ZBTB7C: variants seen among roughly 807,000 people sequenced by gnomAD.
The protein encoded by ZBTB7C is zinc finger and BTB domain-containing protein 7C.
Under a neutral mutation model 25.7 loss-of-function variants are expected in ZBTB7C, and 8 were observed. That is an observed-to-expected ratio of 0.31 (90% CI 0.18 to 0.56). The LOEUF (loss-of-function observed/expected upper bound fraction) is 0.56, where lower values mean the gene tolerates loss of function less well. Ranked by LOEUF, ZBTB7C falls within the 20% of genes least tolerant of loss-of-function variation. The pLI, the probability that ZBTB7C is intolerant of heterozygous loss-of-function variation, is 0.91. For synonymous variants in ZBTB7C, 394 were observed against 369.0 expected (o/e 1.07, Z -0.78); for missense variants, 824 against 855.2 (o/e 0.96, Z 0.46).
At chr18:48,221,803 A>G (rs542961257) in intron 2 of ZBTB7C, among the ~76,000 whole-genome samples, 3 of 115,744 alleles carry the variant, frequency 2.6e-5, no homozygotes, top group Non-Finnish European at 5.5e-5. Context: ...CCCAGTCTCC[A>G]CTACGCTGTC....
At chr18:48,272,378 C>A (rs2044520342) in intron 2 of ZBTB7C, among the ~76,000 whole-genome samples, 1 of 152,216 alleles carries the variant, frequency 6.6e-6, no homozygotes. Flanking sequence ...GACTTATACC[C>A]TTGGATCCCC....
chr18:48,226,764 T>TA (rs1268400591), intron 2 of ZBTB7C, among the ~76,000 whole-genome samples: 1 of 152,204 alleles, frequency 6.6e-6, no homozygotes, highest in Admixed American at 6.5e-5. Flanking sequence ...CTTATGCCTG[T>TA]AATCCCAGCA....
chr18:48,408,674 A>C (rs573517019), intron 1 of ZBTB7C: 5 of 152,172 alleles, frequency 3.3e-5, no homozygotes, highest in Non-Finnish European at 7.3e-5. Flanking sequence ...GTCCCAGGAA[A>C]ACGTCACTCA....
At chr18:48,368,235 A>C (rs2047296783) in intron 1 of ZBTB7C, among the ~76,000 whole-genome samples, 1 of 141,708 alleles carries the variant, frequency 7.1e-6, no homozygotes, top group South Asian at 2.2e-4. Context: ...AAAGGAAGAA[A>C]GCCTAGCAAA....
chr18:48,119,317 A>T (rs2039547849), intron 3 of ZBTB7C, among the ~76,000 whole-genome samples: 1 of 152,274 alleles, frequency 6.6e-6, no homozygotes, highest in Admixed American at 6.5e-5. Flanking sequence ...AATTGTTTCC[A>T]CCAGGTGAGA....
At chr18:48,349,358 T>A (rs569139542) in intron 1 of ZBTB7C, among the ~76,000 whole-genome samples, 176 of 152,380 alleles carry the variant, frequency 1.2e-3, no homozygotes, top group African/African-American at 4.1e-3. Flanking sequence ...TTGATTAGTT[T>A]CTTGCATATT....
intron 2 of ZBTB7C, among the ~76,000 whole-genome samples, chr18:48,230,107 C>A (rs868453933): frequency 6.6e-6 from 1 of 152,208 alleles, no homozygotes; most frequent in Admixed American, 6.5e-5. Context: ...TAATTAAAAT[C>A]ATTAATGTTT....
intron 2 of ZBTB7C, among the ~76,000 whole-genome samples, chr18:48,254,125 G>T (rs1163726970): frequency 6.6e-6 from 1 of 152,208 alleles, no homozygotes; most frequent in Admixed American, 6.5e-5. Context: ...TGTTGGTAAG[G>T]TTTTCCTTTT....
intron 3 of ZBTB7C, among the ~76,000 whole-genome samples, chr18:48,178,304 G>A (rs1005348861): frequency 7.8e-6 from 1 of 128,830 alleles, no homozygotes; most frequent in Admixed American, 7.6e-5. Flanking sequence ...GCTCAGGGAG[G>A]GCATCTCAGG....
chr18:48,391,017 C>T (rs2047889178), intron 1 of ZBTB7C, among the ~76,000 whole-genome samples: 1 of 152,198 alleles, frequency 6.6e-6, no homozygotes, highest in Non-Finnish European at 1.5e-5. Context: ...GGACTCCAAC[C>T]CTCCTTCTGC....
chr18:48,275,291 A>G (rs1351928337), intron 2 of ZBTB7C, among the ~76,000 whole-genome samples: 1 of 152,230 alleles, frequency 6.6e-6, no homozygotes, highest in Non-Finnish European at 1.5e-5. Flanking sequence ...GCAGACTATC[A>G]TCGAAGTGGT....
intron 2 of ZBTB7C, among the ~76,000 whole-genome samples, chr18:48,210,041 T>C (rs1253545923): frequency 6.6e-6 from 1 of 152,186 alleles, no homozygotes; most frequent in African/African-American, 2.4e-5. Flanking sequence ...AAAGAAGATA[T>C]GCAAATGGCC....
chr18:48,320,729 C>T (rs1175264601), intron 2 of ZBTB7C, among the ~76,000 whole-genome samples: 1 of 152,258 alleles, frequency 6.6e-6, no homozygotes, highest in African/African-American at 2.4e-5. Context: ...CTGAAGGGCA[C>T]TTGCCAGCTG....
At chr18:48,112,656 AC>A (rs2039289395) in intron 3 of ZBTB7C, among the ~76,000 whole-genome samples, 1 of 152,128 alleles carries the variant, frequency 6.6e-6, no homozygotes, top group African/African-American at 2.4e-5. Context: ...GCCTACTTTT[AC>A]CGTTTTAAAA....
At chr18:48,035,484 C>T (rs1415160544) in intron 4 of ZBTB7C, among the ~76,000 whole-genome samples, 1 of 152,192 alleles carries the variant, frequency 6.6e-6, no homozygotes, top group African/African-American at 2.4e-5. Flanking sequence ...CTGGGGGAGG[C>T]AAGGGGCAAG....
chr18:48,386,519 A>G (rs1280355908), intron 1 of ZBTB7C, among the ~76,000 whole-genome samples: 1 of 152,248 alleles, frequency 6.6e-6, no homozygotes, highest in Non-Finnish European at 1.5e-5. Flanking sequence ...GTTTACCCAC[A>G]GCGACCATAT....
intron 2 of ZBTB7C, among the ~76,000 whole-genome samples, chr18:48,262,960 C>T (rs1281530660): frequency 6.6e-6 from 1 of 152,210 alleles, no homozygotes; most frequent in Non-Finnish European, 1.5e-5. Flanking sequence ...TTCTCATGCT[C>T]CTACCACCAG....
intron 3 of ZBTB7C, among the ~76,000 whole-genome samples, chr18:48,152,855 T>A (rs1416526289): frequency 1.3e-5 from 2 of 152,260 alleles, no homozygotes; most frequent in African/African-American, 4.8e-5. Flanking sequence ...GCAAGTATTA[T>A]CTTGTTTACT....
intron 2 of ZBTB7C, among the ~76,000 whole-genome samples, chr18:48,203,850 C>A (rs10460039): frequency 5.9e-5 from 9 of 152,302 alleles, no homozygotes; most frequent in African/African-American, 1.7e-4. Context: ...GGCAGCCCCC[C>A]ACCCCACCAA....
Sources: allele counts gnomAD v4.1 joint callset (sites outside exome capture counted in the v4.1 genomes callset), GRCh38; gene constraint gnomAD v4.1.1; transcripts MANE v1.5; gene names NCBI Gene and HGNC (gene_info 2026-07-23, HGNC 2026-07-21).